The following CUL9 variants were observed in gnomAD, a reference collection of about 807,000 sequenced individuals.
The protein encoded by CUL9 is cullin 9, also known as cullin-9.
CUL9 carries 79 observed loss-of-function variants against 272.6 expected under a neutral mutation model. That is an observed-to-expected ratio of 0.29 (90% confidence interval 0.24 to 0.35). The LOEUF is 0.35. Among genes scored for constraint, CUL9 ranks in the 10% least tolerant of loss-of-function variants. CUL9 has a pLI of 1.00. For synonymous variants in CUL9, 1,186 were observed against 1,286.5 expected (o/e 0.92, Z 1.67); for missense variants, 2,532 against 3,255.6 (o/e 0.78, Z 5.41).
chr6:43,184,209 C>A lies in CUL9; in HGVS notation c.-9-93C>A. 1.0e-6 allele frequency: 1 copy of A among 1,000,166 alleles called. No homozygotes were observed. Among genetic ancestry groups the A allele is most frequent in the Non-Finnish European group, 1.4e-6 (1 of 716,646 alleles). The allele number at this position is 1,000,166 out of a possible 1,614,324, so 62.0% of individuals were successfully genotyped here. ...ATTCTACCATGCAGCCTACCGATCA[C>A]CACCCACCTTCTCTGTGTCTCAAGA... On this transcript the variant is annotated intron_variant, in intron 1 of 40. Transcript: ENST00000252050. The surrounding 1 kb of genome is among the most constrained non-coding windows in gnomAD (Gnocchi z 4.8).
rs375378784 is a variant in CUL9, at chr6:43,196,176, C to A, written c.2496C>A (p.Phe832Leu). 6.2e-7 allele frequency: 1 copy of A among 1,614,172 alleles called. No homozygotes were observed. The highest frequency in any genetic ancestry group is 8.5e-7 in the Non-Finnish European group (1 of 1,180,038). ...ATGCTCAGATGACCAGAGAGATCTT[C>A]GCCAGCATCGACTCAGCCACACGCC... ...LFDAQMTREI[F>L]ASIDSATRPG... is the part of the protein sequence containing the mutation. The change falls in exon 10 of 41, where the codon TTC (phenylalanine) becomes TTA (leucine). Residue 832 changes from phenylalanine (F) to leucine (L), a missense_variant. Around this residue, in one of 3 missense-constraint regions of CUL9, gnomAD observed 2,218 missense variants for 2,788.6 expected, o/e 0.80. Coordinates refer to ENST00000252050, the MANE Select transcript of CUL9 (RefSeq NM_015089.4).
chr6:43,187,577 G>A, intron 6 of CUL9, 136 bp from the exon 7 acceptor site: 1 of 1,324,184 alleles, frequency 7.6e-7, no homozygotes. Flanking sequence ...CCTGCTGGGG[G>A]TTGGAGGCAA....
chr6:43,182,921 G>C (rs1772545837), intron 1 of CUL9, among the ~76,000 whole-genome samples: 1 of 152,032 alleles, frequency 6.6e-6, no homozygotes, highest in Admixed American at 6.5e-5. Flanking sequence ...GCATTTATTT[G>C]ATGACTCCCC....
intron 20 of CUL9, 122 bp downstream of exon 20, chr6:43,204,109 G>A (rs2150584229): frequency 7.6e-7 from 1 of 1,308,790 alleles, no homozygotes; most frequent in Non-Finnish European, 1.0e-6. Context: ...TGTCACCTCA[G>A]TGTTCCTCTC....
rs1014965411 is a variant in CUL9 at position 43,199,175 on chromosome 6, A to G, written c.3051-91A>G. ...GGTCTCGAACTCCCGACCTCAGGTGATCCGCCCACTTCGGCCTCCCAAAGT... is the reference window on the plus strand; with the variant it reads ...GGTCTCGAACTCCCGACCTCAGGTGGTCCGCCCACTTCGGCCTCCCAAAGT... On this transcript the variant is annotated intron_variant, in intron 12 of 40. Transcript: ENST00000252050. This position sits in a 1 kb window ranked among gnomAD's most constrained non-coding sequence, Gnocchi z 4.4. The G allele has an allele frequency of 9.4e-7, 1 of 1,064,660 alleles. No individual in the cohort carries two copies. The highest frequency in any genetic ancestry group is 1.7e-5 in the Admixed American group (1 of 57,490). The allele number at this position is 1,064,660 out of a possible 1,614,324, so 66.0% of individuals were successfully genotyped here.
intron 6 of CUL9, 40 bp downstream of exon 6, chr6:43,187,479 G>T (rs1773034758): frequency 1.9e-6 from 3 of 1,591,218 alleles, no homozygotes; most frequent in Non-Finnish European, 2.6e-6. Context: ...TTCTAGTAGG[G>T]TTAGAGGTGG....
intron 29 of CUL9, 88 bp from the exon 30 acceptor site, chr6:43,214,991 G>T: frequency 6.9e-7 from 1 of 1,459,370 alleles, no homozygotes; most frequent in Non-Finnish European, 9.2e-7. Context: ...AAAAAGGGGG[G>T]GAAAAATAAG....
Position 43,222,618 on chromosome 6 carries a change from C to A in CUL9, c.7009C>A (p.Gln2337Lys). ...CTTCACCTTCCTCAATGATGCCTGC[C>A]AGGGACTGGAGCAGGCTCGGAAGGT... Reference protein sequence around the residue: ...RSFTFLNDACQGLEQARKVLA... With the variant: ...RSFTFLNDACKGLEQARKVLA... The change falls in exon 37 of 41, where the codon CAG (glutamine) becomes AAG (lysine). Residue 2337 changes from glutamine to lysine, a missense_variant. Gln to Lys is a moderately conservative substitution (Grantham distance 53). Coordinates refer to ENST00000252050, the MANE Select transcript of CUL9 (RefSeq NM_015089.4). 1 of 1,612,684 alleles carries A rather than the reference C, an allele frequency of 6.2e-7. No homozygotes were observed. Among genetic ancestry groups the A allele is most frequent in the South Asian group, 1.1e-5 (1 of 91,074 alleles).
chr6:43,222,756 A>G (rs1582444365), intron 37 of CUL9, 23 bp from the exon 38 acceptor site: 1 of 1,610,754 alleles, frequency 6.2e-7, no homozygotes, highest in South Asian at 1.1e-5. Flanking sequence ...GGCAGGCGGG[A>G]GAGCTGATGG....
At chr6:43,214,148 A>T (rs112483086) in intron 29 of CUL9, among the ~76,000 whole-genome samples, 4 of 152,360 alleles carry the variant, frequency 2.6e-5, no homozygotes, top group African/African-American at 9.6e-5. Flanking sequence ...AGCCAGGTAC[A>T]GTGGCTCATA....
rs201425802 is a variant in CUL9 at position 43,185,937 on chromosome 6, A to C, written c.751-18A>C. ...AGCCAGGAAGAGATGAACCTGTCCCAAGGATTGTGTCTTACAGATCCCAGG... is the reference window on the plus strand; with the variant it reads ...AGCCAGGAAGAGATGAACCTGTCCCCAGGATTGTGTCTTACAGATCCCAGG... On this transcript the variant is annotated intron_variant, in intron 3 of 40. Coordinates refer to ENST00000252050, the MANE Select transcript of CUL9 (RefSeq NM_015089.4). The C allele has an allele frequency of 6.3e-7, 1 of 1,583,336 alleles. No homozygotes were observed. The highest frequency in any genetic ancestry group is 8.6e-7 in the Non-Finnish European group (1 of 1,163,384).
At position 43,213,536 on chromosome 6, in the gene CUL9, C is replaced by T. The variant is rs1221216490; in HGVS notation, c.5457C>T (p.Thr1819=). Residue 1819 remains threonine, a synonymous_variant, in exon 28 of 41, where the codon ACC becomes ACT. Transcript: ENST00000252050. The surrounding 1 kb of genome is among the most constrained non-coding windows in gnomAD (Gnocchi z 5.7). Reference sequence around the variant, plus strand: ...TCACCTCAGGGAATGGCCCTTTGACCCTGCATGAGGGCCAGGACTTTCCAC... The same window carrying T: ...TCACCTCAGGGAATGGCCCTTTGACTCTGCATGAGGGCCAGGACTTTCCAC... ...VPLTSGNGPL[T]LHEGQDFPHG... is the part of the protein sequence containing the mutation. 9.3e-6 allele frequency: 15 copies of T among 1,612,750 alleles called. No homozygotes were observed. Among genetic ancestry groups the T allele is most frequent in the African/African-American group, 1.3e-5 (1 of 74,490 alleles).
chr6:43,215,121 CT>C lies in CUL9; in HGVS notation c.5732del (p.Leu1911ArgfsTer24). 1 of 1,612,622 alleles carries C rather than the reference CT, an allele frequency of 6.2e-7. No individual in the cohort carries two copies. Among genetic ancestry groups the C allele is most frequent in the African/African-American group, 1.3e-5 (1 of 75,040 alleles). On this transcript the variant is annotated frameshift_variant, in exon 30 of 41. Transcript: ENST00000252050. LOFTEE classifies it high-confidence loss of function. ...GAAGGGTCCAAATCCTCCTGGAACC[CT>C]GGGCCACACTGTTGCTGGGGGTGTG... ...WQKGPNPPGTLGHTVAGGVAC... is the reference protein window; with the variant it reads ...WQKGPNPPGTXGHTVAGGVAC...
chr6:43,189,901 CTGT>C (rs1773283924), intron 8 of CUL9, among the ~76,000 whole-genome samples: 1 of 152,198 alleles, frequency 6.6e-6, no homozygotes, highest in Admixed American at 6.5e-5. Flanking sequence ...TTTCTCACCA[CTGT>C]TATCAGTCTA....
chr6:43,196,259 C>T lies in CUL9; in HGVS notation c.2579C>T (p.Thr860Ile). The T allele has an allele frequency of 1.2e-6, 2 of 1,613,092 alleles. No homozygotes were observed. The highest frequency in any genetic ancestry group is 1.7e-6 in the Non-Finnish European group (2 of 1,179,664). Residue 860 changes from threonine to isoleucine, a missense_variant, in exon 10 of 41, where the codon ACT (threonine) becomes ATT (isoleucine). Thr to Ile is a moderately conservative substitution (Grantham distance 89, BLOSUM62 -1). Coordinates refer to ENST00000252050, the MANE Select transcript of CUL9 (RefSeq NM_015089.4). ...VPAAVILMLN[T>I]EGCSSAARNG... ...GCAGCCGTGATCCTGATGCTGAATA[C>T]TGAGGGGTCAGGGCATTACCTTCCC...
Position 43,206,535 on chromosome 6 carries a change from G to T in CUL9, c.5212+25G>T. On this transcript the variant is annotated intron_variant, in intron 26 of 40. Coordinates refer to ENST00000252050, the MANE Select transcript of CUL9 (RefSeq NM_015089.4). This position sits in a 1 kb window ranked among gnomAD's most constrained non-coding sequence, Gnocchi z 4.8. ...AGTGAGGAACTAGGGAGAGGAAATT[G>T]GAGATCGGGGTGAGATTCGGGGTGG... is the stretch of plus-strand genomic sequence containing the variant. 3 of 1,609,900 alleles carry T rather than the reference G, an allele frequency of 1.9e-6. No individual in the cohort carries two copies. The highest frequency in any genetic ancestry group is 8.5e-7 in the Non-Finnish European group (1 of 1,176,224).
chr6:43,223,915 G>C lies in CUL9; in HGVS notation c.7285-180G>C, dbSNP rs913273523. On this transcript the variant is annotated intron_variant, in intron 39 of 40. Coordinates refer to ENST00000252050, the MANE Select transcript of CUL9 (RefSeq NM_015089.4). The surrounding 1 kb of genome is among the most constrained non-coding windows in gnomAD (Gnocchi z 4.1). Reference sequence around the variant, plus strand: ...GGTCGTGTGCCTCACCTGGTACCCCGTATCCCTGGAGACCATCTGTGGGTG... The same window carrying C: ...GGTCGTGTGCCTCACCTGGTACCCCCTATCCCTGGAGACCATCTGTGGGTG... 1.7e-5 allele frequency: 11 copies of C among 653,570 alleles called. No individual in the cohort carries two copies. Among genetic ancestry groups the C allele is most frequent in the Non-Finnish European group, 3.0e-5 (11 of 363,886 alleles). 40.5% of individuals were successfully genotyped at this position (653,570 alleles called of 1,614,324 possible).
intron 1 of CUL9, among the ~76,000 whole-genome samples, chr6:43,183,803 A>G (rs898039457): frequency 2.7e-5 from 4 of 147,990 alleles, no homozygotes; most frequent in African/African-American, 1.0e-4. Context: ...CCCAGGCTGG[A>G]GTACAGTGGC....
chr6:43,202,874 C>T, intron 17 of CUL9, 53 bp downstream of exon 17: 2 of 1,547,058 alleles, frequency 1.3e-6, no homozygotes, highest in Middle Eastern at 1.7e-4. Context: ...CTTTTTGTCC[C>T]AGTGCCTGTG....
Sources: allele counts gnomAD v4.1 joint callset (sites outside exome capture counted in the v4.1 genomes callset), GRCh38; gene constraint gnomAD v4.1.1; regional missense constraint gnomAD v4.1.1; non-coding constraint Gnocchi (gnomAD v3.1); transcripts MANE v1.5; gene names NCBI Gene and HGNC (gene_info 2026-07-23, HGNC 2026-07-21).